Variants in BPI observed in about 807,000 individuals in gnomAD.
BPI encodes bactericidal permeability-increasing protein.
Under a neutral mutation model 57.6 loss-of-function variants are expected in BPI, and 48 were observed. That is an observed-to-expected ratio of 0.83 (90% CI 0.66 to 1.06). The LOEUF (loss-of-function observed/expected upper bound fraction) is 1.06, where lower values mean the gene tolerates loss of function less well. Ranked by LOEUF, BPI falls within the 50% of genes least tolerant of loss-of-function variation. BPI has a pLI of 0.00. For synonymous variants in BPI, 237 were observed against 238.2 expected (o/e 0.99, Z 0.05); for missense variants, 651 against 609.7 (o/e 1.07, Z -0.71).
intron 11 of BPI, 101 bp downstream of exon 11, chr20:38,327,756 T>C: frequency 1.5e-6 from 2 of 1,373,262 alleles, no homozygotes; most frequent in Non-Finnish European, 2.0e-6. Context: ...CATTGTTGTT[T>C]TCCTGTTGGC....
chr20:38,304,331 C>T lies in BPI; in HGVS notation c.108C>T (p.Ile36=), dbSNP rs748051139. 9 of 1,613,858 alleles carry T rather than the reference C, an allele frequency of 5.6e-6. No homozygotes were observed. The South Asian group carries it at 9.9e-5, about 18-fold the overall frequency. Reference sequence around the variant, plus strand: ...TCAACCCTGGCGTCGTGGTCAGGATCTCCCAGAAGGGCCTGGACTACGGTA... The same window carrying T: ...TCAACCCTGGCGTCGTGGTCAGGATTTCCCAGAAGGGCCTGGACTACGGTA... ...AAVNPGVVVR[I]SQKGLDYASQ... Residue 36 remains isoleucine, a synonymous_variant, in exon 1 of 15, where the codon ATC becomes ATT. Transcript: ENST00000642449.
At chr20:38,325,473 TC>T (rs2076707875) in intron 9 of BPI, among the ~76,000 whole-genome samples, 1 of 152,210 alleles carries the variant, frequency 6.6e-6, no homozygotes, top group Non-Finnish European at 1.5e-5. Flanking sequence ...GGGCCTTTTC[TC>T]AATGCATGCA....
intron 7 of BPI, among the ~76,000 whole-genome samples, chr20:38,322,342 A>G (rs535890393): frequency 1.8e-4 from 27 of 152,348 alleles, no homozygotes; most frequent in African/African-American, 4.6e-4. Flanking sequence ...GATACAACAG[A>G]CCAAAAGATT....
At chr20:38,332,910 G>A (rs1024862171) in intron 12 of BPI, among the ~76,000 whole-genome samples, 2 of 152,118 alleles carry the variant, frequency 1.3e-5, no homozygotes, top group Non-Finnish European at 2.9e-5. Flanking sequence ...GCTGCAGTCT[G>A]CTGATCCTGT....
intron 13 of BPI, among the ~76,000 whole-genome samples, chr20:38,334,980 G>A (rs966107453): frequency 6.6e-6 from 1 of 152,116 alleles, no homozygotes; most frequent in Non-Finnish European, 1.5e-5. Context: ...CTTTGAGAGT[G>A]AGGGGCAAAA....
intron 3 of BPI, 115 bp from the exon 4 acceptor site, chr20:38,310,376 A>C: frequency 3.9e-6 from 5 of 1,266,286 alleles, no homozygotes; most frequent in Non-Finnish European, 5.6e-6. Flanking sequence ...CTCTGAACGT[A>C]CCTCCTCACC....
chr20:38,326,071 G>A (rs1286053060), intron 9 of BPI, among the ~76,000 whole-genome samples, 194 bp from the exon 10 acceptor site: 1 of 152,170 alleles, frequency 6.6e-6, no homozygotes, highest in Non-Finnish European at 1.5e-5. Context: ...GGCCAGAGAT[G>A]GAAGACAAGA....
At chr20:38,324,902 A>G (rs1007125908) in intron 9 of BPI, 69 bp downstream of exon 9, 1 of 1,266,562 alleles carries the variant, frequency 7.9e-7, no homozygotes, top group African/African-American at 1.5e-5. Flanking sequence ...TGCTGAGTGG[A>G]TGATGAGAGC....
chr20:38,326,347 GCCTTA>G lies in BPI; in HGVS notation c.1081_1085del (p.Thr361LeufsTer48), dbSNP rs1240600839. ...CCACACCTGTCTGTGCAGCCCACCG[GCCTTA>G]CCTTCTACCCTGCCGTGGATGTCCA... On this transcript the variant is annotated frameshift_variant, in exon 10 of 15. Transcript: ENST00000642449. LOFTEE classifies it high-confidence loss of function. 1 of 1,614,116 alleles carries G rather than the reference GCCTTA, an allele frequency of 6.2e-7. No homozygotes were observed. The highest frequency in any genetic ancestry group is 1.1e-5 in the South Asian group (1 of 91,072).
intron 9 of BPI, 123 bp downstream of exon 9, chr20:38,324,956 C>A: frequency 1.3e-6 from 1 of 798,446 alleles, no homozygotes; most frequent in Admixed American, 2.2e-5. Context: ...AACAACCCAG[C>A]ATGAAAGGGT....
chr20:38,310,690 TAAA>T (rs1413101491), intron 4 of BPI, 38 bp downstream of exon 4: 1 of 1,591,484 alleles, frequency 6.3e-7, no homozygotes, highest in South Asian at 1.1e-5. Context: ...AGGAGGGACT[TAAA>T]GAAGAACTCT....
chr20:38,334,861 C>T (rs2076759416), intron 13 of BPI, among the ~76,000 whole-genome samples: 1 of 152,066 alleles, frequency 6.6e-6, no homozygotes, highest in African/African-American at 2.4e-5. Context: ...AAAACAAAGC[C>T]CATGGTCTCT....
chr20:38,324,196 C>T (rs2076700913), intron 8 of BPI, 150 bp downstream of exon 8: 10 of 968,812 alleles, frequency 1.0e-5, no homozygotes, highest in Non-Finnish European at 1.3e-5. Flanking sequence ...CAATATCGGC[C>T]CCACCCCTCT....
At position 38,326,487 on chromosome 20, in the gene BPI, T is replaced by C. The variant is rs1251053192; in HGVS notation, c.1161+55T>C. On this transcript the variant is annotated intron_variant, in intron 10 of 14. Transcript: ENST00000642449. ...GAGCCCCAGACAGTCCCAACAGCAC[T>C]GTCTTTGGAGTCAGGAGACCATGTG... 3 of 1,534,858 alleles carry C rather than the reference T, an allele frequency of 2.0e-6. No homozygotes were observed. The East Asian group carries it at 7.1e-5, about 36-fold the overall frequency.
chr20:38,310,795 G>T, intron 4 of BPI, 143 bp downstream of exon 4: 1 of 1,051,458 alleles, frequency 9.5e-7, no homozygotes. Context: ...TGGGGGCCAG[G>T]GGCCCACAGA....
At position 38,308,874 on chromosome 20, in the gene BPI, A is replaced by T. The variant is rs76208189; in HGVS notation, c.246-56A>T. ...TGCATTAACCATTAACGAAGTCCTC[A>T]TGTGTGCACCTAGGAGTATATGAAA... On this transcript the variant is annotated intron_variant, in intron 2 of 14. Transcript: ENST00000642449. The T allele has an allele frequency of 1.4e-5, 22 of 1,605,586 alleles. No homozygotes were observed. In the African/African-American group the frequency reaches 2.7e-4, roughly 19 times the overall value.
intron 5 of BPI, 65 bp downstream of exon 5, chr20:38,312,002 C>T: frequency 2.0e-6 from 3 of 1,501,976 alleles, no homozygotes; most frequent in Non-Finnish European, 2.8e-6. Context: ...CACACACCTC[C>T]CCCTTCTACG....
chr20:38,335,102 C>T (rs2076760917), intron 13 of BPI, among the ~76,000 whole-genome samples: 1 of 152,148 alleles, frequency 6.6e-6, no homozygotes, highest in African/African-American at 2.4e-5. Context: ...TGTCCTCCTA[C>T]CTTGACAAAT....
At position 38,307,705 on chromosome 20, in the gene BPI, C is replaced by T. The variant is rs773961176; in HGVS notation, c.245+24C>T. The T allele has an allele frequency of 5.1e-6, 8 of 1,570,448 alleles. No individual in the cohort carries two copies. The African/African-American group carries it at 1.1e-4, about 21-fold the overall frequency. On this transcript the variant is annotated intron_variant, in intron 2 of 14. Transcript: ENST00000642449. ...AGGTGAGGCCTATCAGAGCTCAATC[C>T]TCGATTTGCAGGACTTGTAGTGTTC...
Sources: gnomAD v4.1 joint callset for allele counts (sites outside exome capture counted in the v4.1 genomes callset) on GRCh38, gnomAD v4.1.1 for gene constraint, MANE v1.5 for transcripts, NCBI Gene and HGNC (gene_info 2026-07-23, HGNC 2026-07-21) for gene names.